The following MEIS2 variants were observed in gnomAD, a reference collection of about 807,000 sequenced individuals.
MEIS2 encodes homeobox protein Meis2.
In MEIS2, 9 loss-of-function variants were observed where a neutral mutation model predicts 58.6. The observed-to-expected ratio is 0.15, with a 90% CI of 0.09 to 0.27. MEIS2 has a LOEUF of 0.27. MEIS2 is among the 10% of genes least tolerant of loss of function. The probability of loss-of-function intolerance (pLI) is 1.00; values close to 1 mark genes in which losing one functional copy is unlikely to be tolerated. For synonymous variants in MEIS2, 221 were observed against 228.4 expected (o/e 0.97, Z 0.29); for missense variants, 427 against 635.0 (o/e 0.67, Z 3.52).
chr15:37,076,265 G>GA (rs939370332), intron 7 of MEIS2, among the ~76,000 whole-genome samples: 1 of 151,812 alleles, frequency 6.6e-6, no homozygotes, highest in African/African-American at 2.4e-5. Context: ...GAAAGAAGGG[G>GA]AAAAAATAAC....
intron 7 of MEIS2, among the ~76,000 whole-genome samples, chr15:37,076,388 G>A (rs1891418430): frequency 6.6e-6 from 1 of 151,826 alleles, no homozygotes; most frequent in African/African-American, 2.4e-5. Flanking sequence ...TGCTCTGGAG[G>A]GCTTCAACAA....
intron 6 of MEIS2, among the ~76,000 whole-genome samples, chr15:37,088,484 A>G (rs1363368314): frequency 6.6e-6 from 1 of 151,960 alleles, no homozygotes; most frequent in Admixed American, 6.6e-5. Context: ...TAAAACAAGG[A>G]CTCCTATCTT....
chr15:37,099,475 G>C lies in MEIS2; in HGVS notation c.-9C>G. On this transcript the variant is annotated 5_prime_UTR_variant, in exon 1 of 12. Coordinates refer to ENST00000561208, the MANE Select transcript of MEIS2 (RefSeq NM_170675.5). ...CCTACCCTTTGCGCCATCAGTCTGC[G>C]CTCCAATAAACTCCTGGATGTGTCG... 1 of 1,613,946 alleles carries C rather than the reference G, an allele frequency of 6.2e-7. No individual in the cohort carries two copies. Among genetic ancestry groups the C allele is most frequent in the South Asian group, 1.1e-5 (1 of 91,068 alleles).
chr15:37,000,359 G>C (rs77745257), intron 8 of MEIS2, among the ~76,000 whole-genome samples: 11 of 152,148 alleles, frequency 7.2e-5, no homozygotes, highest in Non-Finnish European at 1.6e-4. Flanking sequence ...ATAAGGACTG[G>C]AGGTCTCTTT....
chr15:37,004,502 G>C (rs2060846437), intron 8 of MEIS2, among the ~76,000 whole-genome samples: 1 of 152,226 alleles, frequency 6.6e-6, no homozygotes, highest in African/African-American at 2.4e-5. Context: ...TAGACTCACA[G>C]AATAATAGAA....
intron 6 of MEIS2, among the ~76,000 whole-genome samples, chr15:37,092,696 C>CTTTCTT (rs1893681292): frequency 2.6e-5 from 1 of 38,660 alleles, no homozygotes; most frequent in African/African-American, 9.5e-5. Context: ...ACTACATATG[C>CTTTCTT]TTTTTTTTTT....
chr15:37,034,660 C>T (rs765692713), intron 8 of MEIS2, among the ~76,000 whole-genome samples: 11 of 152,174 alleles, frequency 7.2e-5, no homozygotes, highest in Non-Finnish European at 1.5e-4. Flanking sequence ...TGAGATTCAA[C>T]TCACAAAATA....
intron 8 of MEIS2, among the ~76,000 whole-genome samples, chr15:36,971,732 G>A (rs1014061614): frequency 4.6e-5 from 7 of 151,922 alleles, no homozygotes; most frequent in Non-Finnish European, 8.8e-5. Context: ...TTTCAGTTAA[G>A]GGTCAGAAAT....
intron 7 of MEIS2, among the ~76,000 whole-genome samples, chr15:37,056,427 G>C (rs1888407530): frequency 6.6e-6 from 1 of 151,958 alleles, no homozygotes; most frequent in Non-Finnish European, 1.5e-5. Flanking sequence ...GTGCAAAGAG[G>C]GCTAACATTC....
intron 9 of MEIS2, among the ~76,000 whole-genome samples, chr15:36,923,130 A>T (rs2057588645): frequency 6.6e-6 from 1 of 152,212 alleles, no homozygotes; most frequent in South Asian, 2.1e-4. Flanking sequence ...AACAAGCTGC[A>T]CACACAATAC....
intron 8 of MEIS2, among the ~76,000 whole-genome samples, chr15:36,971,250 T>C (rs1338078654): frequency 6.6e-6 from 1 of 152,072 alleles, no homozygotes; most frequent in Non-Finnish European, 1.5e-5. Flanking sequence ...CTCATTCTAA[T>C]ACCTCGAAGG....
chr15:37,076,121 T>C (rs1891376089), intron 7 of MEIS2, among the ~76,000 whole-genome samples: 1 of 151,946 alleles, frequency 6.6e-6, no homozygotes, highest in Admixed American at 6.6e-5. Flanking sequence ...TGCTGTGACA[T>C]AAAATATTTT....
intron 9 of MEIS2, among the ~76,000 whole-genome samples, chr15:36,903,317 G>A (rs1316128200): frequency 6.6e-6 from 1 of 152,132 alleles, no homozygotes; most frequent in Non-Finnish European, 1.5e-5. Context: ...TTGAAAGCAA[G>A]GGAGGAGAAA....
rs556555396 is a variant in MEIS2, at chr15:37,020,674, C to CT, written c.900+16139dup. ...ATGGCATTACTCTTGGCATTCTGGT[C>CT]TTTTTTTTTTTTTTTAATCTCACCA... On this transcript the variant is annotated intron_variant, in intron 8 of 11. Transcript: ENST00000561208. Among the ~76,000 whole-genome samples the CT allele has an allele frequency of 6.7e-3, 924 of 138,700 alleles. 8 individuals carry two copies. The highest frequency in any genetic ancestry group is 0.012 in the African/African-American group (469 of 37,806). 91.0% of individuals were successfully genotyped at this position (138,700 alleles called of 152,430 possible). A position where few individuals can be genotyped will look rare whatever the true frequency, so the allele number is the denominator to read the frequency against.
chr15:36,891,247 T>TC lies in MEIS2; in HGVS notation c.*925_*926insG, dbSNP rs1354802306. 7.0e-6 allele frequency: 1 copy of TC among 142,170 alleles called. No homozygotes were observed. The highest frequency in any genetic ancestry group is 1.5e-5 in the Non-Finnish European group (1 of 67,232). 8.8% of individuals were successfully genotyped at this position (142,170 alleles called of 1,614,324 possible). A position where few individuals can be genotyped will look rare whatever the true frequency, so the allele number is the denominator to read the frequency against. The stretch of plus-strand genomic sequence containing the variant: ...GATCTGATACTAGCAAAAACATTCT[T>TC]TTTTTTTTCAATTGAGGTAAACACA... On this transcript the variant is annotated 3_prime_UTR_variant, in exon 12 of 12. Transcript: ENST00000561208.
intron 8 of MEIS2, among the ~76,000 whole-genome samples, chr15:36,984,506 G>T (rs989838019): frequency 1.3e-5 from 2 of 151,998 alleles, no homozygotes; most frequent in Non-Finnish European, 2.9e-5. Context: ...ATTTTACTGA[G>T]GGATTTTTGC....
At chr15:36,995,992 T>TATATATAC (rs2060496230) in intron 8 of MEIS2, among the ~76,000 whole-genome samples, 1 of 52,726 alleles carries the variant, frequency 1.9e-5, no homozygotes, top group Non-Finnish European at 5.6e-5. Flanking sequence ...TATATATATA[T>TATATATAC]ATATATATAT....
intron 9 of MEIS2, among the ~76,000 whole-genome samples, chr15:36,938,222 T>C (rs1036679622): frequency 1.3e-5 from 2 of 152,182 alleles, no homozygotes; most frequent in African/African-American, 2.4e-5. Flanking sequence ...TGAGCTCATC[T>C]GCTCCCAGGA....
intron 8 of MEIS2, among the ~76,000 whole-genome samples, chr15:36,954,502 C>A (rs1432551385): frequency 6.7e-6 from 1 of 148,206 alleles, no homozygotes. Flanking sequence ...TATAAATTAA[C>A]TATAATTTAT....
Sources: gnomAD v4.1 joint callset for allele counts (sites outside exome capture counted in the v4.1 genomes callset) on GRCh38, gnomAD v4.1.1 for gene constraint, MANE v1.5 for transcripts, NCBI Gene and HGNC (gene_info 2026-07-23, HGNC 2026-07-21) for gene names.